The following CCDC69 variants were observed in gnomAD, a reference collection of about 807,000 sequenced individuals.
The protein encoded by CCDC69 is coiled-coil domain containing 69, also known as coiled-coil domain-containing protein 69.
Under a neutral mutation model 40.3 loss-of-function variants are expected in CCDC69, and 38 were observed. That is an observed-to-expected ratio of 0.94 (90% confidence interval 0.73 to 1.24). The LOEUF (loss-of-function observed/expected upper bound fraction) is 1.24. Among genes scored for constraint, CCDC69 ranks in the 50% most tolerant of loss-of-function variants. CCDC69 has a pLI of 0.00. For missense variants in CCDC69, 389 were observed against 357.9 expected (o/e 1.09, Z -0.70); for synonymous variants, 141 against 138.9 (o/e 1.02, Z -0.11).
chr5:151,210,413 A>C (rs764174965), intron 1 of CCDC69, among the ~76,000 whole-genome samples: 1 of 152,134 alleles, frequency 6.6e-6, no homozygotes, highest in Middle Eastern at 3.4e-3. Context: ...CGGTAGTGGC[A>C]TGCGCCTCTA....
At chr5:151,212,537 G>C (rs1436421103) in intron 1 of CCDC69, among the ~76,000 whole-genome samples, 1 of 152,198 alleles carries the variant, frequency 6.6e-6, no homozygotes, top group Non-Finnish European at 1.5e-5. Context: ...ACAGTGTCCA[G>C]AGCCATGGAG....
intron 3 of CCDC69, among the ~76,000 whole-genome samples, chr5:151,200,388 C>T (rs545435127): frequency 2.0e-5 from 3 of 152,320 alleles, no homozygotes; most frequent in South Asian, 2.1e-4. Flanking sequence ...ATCTGCCTGC[C>T]TCGGCCTCCC....
intron 4 of CCDC69, among the ~76,000 whole-genome samples, chr5:151,191,867 T>G (rs912217950): frequency 1.3e-5 from 2 of 152,042 alleles, no homozygotes; most frequent in African/African-American, 2.4e-5. Flanking sequence ...GGAGGACTGC[T>G]GAGACCAGGA....
chr5:151,210,011 A>G (rs751793263), intron 1 of CCDC69, among the ~76,000 whole-genome samples: 29 of 152,238 alleles, frequency 1.9e-4, no homozygotes, highest in Non-Finnish European at 7.3e-5. Flanking sequence ...AGAGAACCCC[A>G]TAACCTGGTG....
rs13177296 is a variant in CCDC69, at chr5:151,224,019, G to A, written c.-49C>T. The stretch of plus-strand genomic sequence containing the variant: ...CCGCTTCCCAACTCCGGGGCCCCCA[G>A]AGGAGCCTGCGATCCGGGCCCCGCT... On this transcript the variant is annotated 5_prime_UTR_variant, in exon 1 of 9. Transcript: ENST00000355417. The A allele has an allele frequency of 6.7e-7, 1 of 1,501,696 alleles. No individual in the cohort carries two copies. 93.0% of individuals were successfully genotyped at this position (1,501,696 alleles called of 1,614,324 possible).
At chr5:151,192,107 G>GAA (rs1752621542) in intron 4 of CCDC69, among the ~76,000 whole-genome samples, 1 of 55,202 alleles carries the variant, frequency 1.8e-5, no homozygotes, top group Non-Finnish European at 3.9e-5. Context: ...AAAAAAAAAA[G>GAA]AATGAAAAGA....
At chr5:151,216,406 A>G (rs151075140) in intron 1 of CCDC69, among the ~76,000 whole-genome samples, 1,608 of 116,346 alleles carry the variant, frequency 0.014, 72 homozygotes, top group African/African-American at 0.051. Flanking sequence ...AATTATTAGG[A>G]TTTTTTTTTT....
At chr5:151,200,115 T>C (rs570584621) in intron 3 of CCDC69, among the ~76,000 whole-genome samples, 2 of 152,168 alleles carry the variant, frequency 1.3e-5, no homozygotes, top group African/African-American at 4.8e-5. Context: ...TGTGATTTAA[T>C]AGAGTGATTA....
intron 4 of CCDC69, among the ~76,000 whole-genome samples, chr5:151,190,806 T>C (rs1752599268): frequency 7.4e-6 from 1 of 135,610 alleles, no homozygotes; most frequent in South Asian, 2.4e-4. Context: ...AATGTTCAAA[T>C]ACTCAAAAAA....
intron 1 of CCDC69, among the ~76,000 whole-genome samples, chr5:151,223,372 C>T (rs888322078): frequency 3.3e-5 from 5 of 152,246 alleles, no homozygotes; most frequent in Admixed American, 6.5e-5. Context: ...GCCCTAAGAC[C>T]AGCGCCTCAA....
At chr5:151,222,645 ACTTG>A (rs35843519) in intron 1 of CCDC69, among the ~76,000 whole-genome samples, 3,681 of 152,220 alleles carry the variant, frequency 0.024, 135 homozygotes, top group African/African-American at 0.083. Flanking sequence ...TCTGCCTACC[ACTTG>A]CTCAGTTACA....
At chr5:151,209,219 G>A (rs2113998483) in intron 1 of CCDC69, among the ~76,000 whole-genome samples, 1 of 152,338 alleles carries the variant, frequency 6.6e-6, no homozygotes, top group South Asian at 2.1e-4. Flanking sequence ...TGCAACTGCA[G>A]TGTCTTGCAC....
At chr5:151,202,724 C>G (rs900223471) in intron 2 of CCDC69, among the ~76,000 whole-genome samples, 7 of 152,190 alleles carry the variant, frequency 4.6e-5, no homozygotes, top group African/African-American at 1.7e-4. Flanking sequence ...GAAACACAAA[C>G]AGGAAGTCTA....
chr5:151,199,631 A>G (rs1274587683), intron 3 of CCDC69, among the ~76,000 whole-genome samples: 1 of 152,080 alleles, frequency 6.6e-6, no homozygotes, highest in Admixed American at 6.5e-5. Context: ...CTGATGGGGC[A>G]TATCCAGAGG....
intron 4 of CCDC69, chr5:151,198,694 ATTC>A (rs1166750139): frequency 1.9e-5 from 6 of 309,448 alleles, no homozygotes; most frequent in Non-Finnish European, 3.6e-5. Context: ...GTATTTAAAA[ATTC>A]TTCTATTTGT....
At chr5:151,193,869 A>G (rs1317412097) in intron 4 of CCDC69, among the ~76,000 whole-genome samples, 3 of 152,244 alleles carry the variant, frequency 2.0e-5, no homozygotes, top group Non-Finnish European at 4.4e-5. Flanking sequence ...AAATATATAA[A>G]GATATCTCAA....
chr5:151,183,188 A>T lies in CCDC69; in HGVS notation c.*249T>A. The T allele has an allele frequency of 1.5e-6, 1 of 651,404 alleles. No individual in the cohort carries two copies. Among genetic ancestry groups the T allele is most frequent in the Non-Finnish European group, 2.8e-6 (1 of 352,906 alleles). 40.4% of individuals were successfully genotyped at this position (651,404 alleles called of 1,614,324 possible). On this transcript the variant is annotated 3_prime_UTR_variant, in exon 9 of 9. Transcript: ENST00000355417. Reference sequence around the variant, plus strand: ...GGGACAGAGTGCTGGGGCAGGGAGGAAATGTCTCCTCTTGCTTATTCCCTT... The same window carrying T: ...GGGACAGAGTGCTGGGGCAGGGAGGTAATGTCTCCTCTTGCTTATTCCCTT...
intron 4 of CCDC69, among the ~76,000 whole-genome samples, chr5:151,192,136 C>G (rs1429926762): frequency 2.4e-5 from 2 of 83,828 alleles, no homozygotes; most frequent in Non-Finnish European, 4.9e-5. Flanking sequence ...AAAAAAAAAG[C>G]TAACCAAATA....
At chr5:151,190,793 A>T (rs1320511142) in intron 4 of CCDC69, among the ~76,000 whole-genome samples, 1 of 151,338 alleles carries the variant, frequency 6.6e-6, no homozygotes, top group Admixed American at 6.6e-5. Context: ...TGGAACACTA[A>T]AAAATGTTCA....
Sources: gnomAD v4.1 joint callset for allele counts (sites outside exome capture counted in the v4.1 genomes callset) on GRCh38, gnomAD v4.1.1 for gene constraint, MANE v1.5 for transcripts, NCBI Gene and HGNC (gene_info 2026-07-23, HGNC 2026-07-21) for gene names.